Variants in SRI observed in about 807,000 individuals in gnomAD.
SRI encodes sorcin.
Under a neutral mutation model 33.3 loss-of-function variants are expected in SRI, and 30 were observed. That is an observed-to-expected ratio of 0.90 (90% CI 0.67 to 1.22). The LOEUF (loss-of-function observed/expected upper bound fraction) is 1.22. SRI is among the 50% of genes most tolerant of loss of function. The pLI is 0.00. For synonymous variants in SRI, 75 were observed against 89.9 expected (o/e 0.83, Z 0.94); for missense variants, 243 against 250.8 (o/e 0.97, Z 0.21).
At chr7:88,217,992 T>G (rs1200971520) in intron 2 of SRI, among the ~76,000 whole-genome samples, 3 of 152,258 alleles carry the variant, frequency 2.0e-5, no homozygotes, top group East Asian at 1.9e-4. Flanking sequence ...GCTGTATTTC[T>G]TAGAGTACTA....
chr7:88,222,347 C>G (rs1286463454), upstream of SRI, among the ~76,000 whole-genome samples: 1 of 144,402 alleles, frequency 6.9e-6, no homozygotes, highest in African/African-American at 2.6e-5. Flanking sequence ...TCTCCAGCAC[C>G]TGTTGTTTCC....
At chr7:88,214,523 T>C (rs1020728657) in intron 3 of SRI, among the ~76,000 whole-genome samples, 4 of 152,136 alleles carry the variant, frequency 2.6e-5, no homozygotes, top group African/African-American at 9.7e-5. Context: ...ACAGTTCCAA[T>C]GAACTAGAAC....
chr7:88,218,943 C>G lies in SRI; in HGVS notation c.52-1G>C. 2.5e-6 allele frequency: 4 copies of G among 1,613,718 alleles called. No homozygotes were observed. The highest frequency in any genetic ancestry group is 3.4e-6 in the Non-Finnish European group (4 of 1,179,678). ...CAGGCCCTCCGGGAGCCCCTCCATACTGTGAAACAGGAAACACATACACGT... is the reference window on the plus strand; with the variant it reads ...CAGGCCCTCCGGGAGCCCCTCCATAGTGTGAAACAGGAAACACATACACGT... On this transcript the variant is annotated splice_acceptor_variant, in intron 1 of 7. Coordinates refer to ENST00000265729, the MANE Select transcript of SRI (RefSeq NM_003130.4). LOFTEE classifies it high-confidence loss of function.
In SRI at chr7:88,208,382, CTT is replaced by C. The variant is rs1219865176; in HGVS notation, c.570+123_570+124del. 10 of 1,444,556 alleles carry C rather than the reference CTT, an allele frequency of 6.9e-6. No homozygotes were observed. In the African/African-American group the frequency reaches 7.2e-5, roughly 10 times the overall value. The allele number at this position is 1,444,556 out of a possible 1,614,324, so 89.5% of individuals were successfully genotyped here. On this transcript the variant is annotated intron_variant, in intron 7 of 7. Coordinates refer to ENST00000265729, the MANE Select transcript of SRI (RefSeq NM_003130.4). ...AATTCTGGATGATAACTCTTTCTAA[CTT>C]TTGAATCCCTTATGTCTCTGGCATC...
chr7:88,209,917 G>C, intron 5 of SRI, 66 bp downstream of exon 5: 1 of 1,604,978 alleles, frequency 6.2e-7, no homozygotes, highest in South Asian at 1.1e-5. Context: ...CACCCAGCCT[G>C]GTTTTAAAAA....
chr7:88,220,802 C>T (rs1348463544), upstream of SRI, among the ~76,000 whole-genome samples: 2 of 152,156 alleles, frequency 1.3e-5, no homozygotes, highest in Admixed American at 6.5e-5. Context: ...ATCCATTTCC[C>T]TAAAAGTATT....
chr7:88,226,165 G>A (rs12155414), intron 1 of SRI, among the ~76,000 whole-genome samples: 166 of 152,176 alleles, frequency 1.1e-3, no homozygotes, highest in Non-Finnish European at 1.9e-3. Context: ...TATTATGGGG[G>A]TGTTAATTCT....
chr7:88,223,888 T>C (rs1441589796), upstream of SRI, among the ~76,000 whole-genome samples: 1 of 152,158 alleles, frequency 6.6e-6, no homozygotes, highest in Non-Finnish European at 1.5e-5. Flanking sequence ...TACAGTTATT[T>C]GTCAGAACGA....
chr7:88,210,369 T>C (rs1359562169), intron 4 of SRI: 1 of 540,280 alleles, frequency 1.9e-6, no homozygotes, highest in Non-Finnish European at 3.3e-6. Context: ...GGAAATAGCG[T>C]TGCCATTGTG....
At chr7:88,210,758 A>G (rs972920318) in intron 4 of SRI, 124 bp downstream of exon 4, 1 of 914,724 alleles carries the variant, frequency 1.1e-6, no homozygotes, top group South Asian at 1.6e-5. Context: ...ATAGAAGCTA[A>G]TTATTTCAGA....
intron 7 of SRI, among the ~76,000 whole-genome samples, chr7:88,207,438 A>G (rs534154180): frequency 1.1e-3 from 166 of 152,300 alleles, no homozygotes; most frequent in Non-Finnish European, 1.9e-3. Flanking sequence ...CCAAAAATAC[A>G]TGCATCTTAT....
chr7:88,224,662 T>C (rs1851959252), upstream of SRI, among the ~76,000 whole-genome samples: 1 of 150,698 alleles, frequency 6.6e-6, no homozygotes, highest in East Asian at 2.0e-4. Flanking sequence ...AAAGCCACCC[T>C]TTTTCTTGAA....
intron 7 of SRI, among the ~76,000 whole-genome samples, chr7:88,207,255 C>T (rs1851456124): frequency 6.6e-6 from 1 of 152,188 alleles, no homozygotes; most frequent in Admixed American, 6.5e-5. Context: ...AGCCCATGGT[C>T]TTTCTTTCCA....
At chr7:88,214,211 G>A (rs1306165277) in intron 3 of SRI, among the ~76,000 whole-genome samples, 1 of 152,190 alleles carries the variant, frequency 6.6e-6, no homozygotes, top group African/African-American at 2.4e-5. Flanking sequence ...GGGGGCATTT[G>A]GTGACAGCTA....
chr7:88,217,725 C>G (rs1248590423), intron 2 of SRI, among the ~76,000 whole-genome samples: 4 of 152,100 alleles, frequency 2.6e-5, no homozygotes, highest in Admixed American at 2.6e-4. Context: ...CTTCAAGTCA[C>G]TGGGTATTAT....
At position 88,206,073 on chromosome 7, in the gene SRI, A is replaced by T. The variant is rs1390715895; in HGVS notation, c.*405T>A. 3 of 193,042 alleles carry T rather than the reference A, an allele frequency of 1.6e-5. No homozygotes were observed. Among genetic ancestry groups the T allele is most frequent in the Non-Finnish European group, 3.3e-5 (3 of 91,784 alleles). 12.0% of individuals were successfully genotyped at this position (193,042 alleles called of 1,614,324 possible). On this transcript the variant is annotated 3_prime_UTR_variant, in exon 8 of 8. Transcript: ENST00000265729. ...TATTTCACCCAAGTGCGTCTATGTCATTTACCTAAGTTTTTATGTGTGGAG... is the reference window on the plus strand; with the variant it reads ...TATTTCACCCAAGTGCGTCTATGTCTTTTACCTAAGTTTTTATGTGTGGAG...
chr7:88,205,170 G>GGTAA lies in SRI; in HGVS notation c.*1304_*1307dup, dbSNP rs1851413392. ...TTGACAACTAGTTGTTCAGTTGAAT[G>GGTAA]GTAAGTTTCACACTGCATCCTAAAA... On this transcript the variant is annotated 3_prime_UTR_variant, in exon 8 of 8. Transcript: ENST00000265729. 1.3e-5 allele frequency: 2 copies of GGTAA among 152,292 alleles called. No homozygotes were observed. The highest frequency in any genetic ancestry group is 3.4e-3 in the Middle Eastern group (1 of 294). The allele number at this position is 152,292 out of a possible 1,614,324, so 9.4% of individuals were successfully genotyped here.
intron 3 of SRI, among the ~76,000 whole-genome samples, chr7:88,212,272 T>C (rs1169041797): frequency 6.6e-6 from 1 of 152,228 alleles, no homozygotes; most frequent in East Asian, 1.9e-4. Flanking sequence ...ACTATTTCTA[T>C]TTTGGTCCTT....
At chr7:88,226,929 T>C in exon 1 of SRI, 1 of 1,613,714 alleles carries the variant, frequency 6.2e-7, no homozygotes, top group Non-Finnish European at 8.5e-7. Context: ...AGTTGAAGTC[T>C]TATAGGTAGA....
Sources: gnomAD v4.1 joint callset for allele counts (sites outside exome capture counted in the v4.1 genomes callset) on GRCh38, gnomAD v4.1.1 for gene constraint, MANE v1.5 for transcripts, NCBI Gene and HGNC (gene_info 2026-07-23, HGNC 2026-07-21) for gene names.